ATP6V0E2: variants seen among roughly 807,000 people sequenced by gnomAD.
ATP6V0E2 encodes the protein ATPase H+ transporting V0 subunit e2.
Under a neutral mutation model 11.5 loss-of-function variants are expected in ATP6V0E2, and 4 were observed. That is an observed-to-expected ratio of 0.35 (90% CI 0.17 to 0.80). ATP6V0E2 has a LOEUF of 0.80. ATP6V0E2 is among the 30% of genes least tolerant of loss of function. The pLI is 0.53. For missense variants in ATP6V0E2, 93 were observed against 113.5 expected, an observed-to-expected ratio of 0.82 and a Z score of 0.82; for synonymous variants, 52 against 51.0, an observed-to-expected ratio of 1.02 and a Z score of -0.09.
upstream of ATP6V0E2, chr7:149,873,909 G>A (rs1208297604): frequency 2.0e-6 from 3 of 1,512,264 alleles, no homozygotes; most frequent in Admixed American, 4.2e-5. Flanking sequence ...GCGGCGGGCT[G>A]GATCAGGAGA....
intron 3 of ATP6V0E2, 101 bp from the exon 4 acceptor site, chr7:149,879,234 A>G: frequency 7.1e-7 from 1 of 1,408,286 alleles, no homozygotes; most frequent in Non-Finnish European, 9.2e-7. Context: ...GGGTAAGCTG[A>G]GGACTATCTG....
Position 149,875,602 on chromosome 7 carries a change from A to T in ATP6V0E2, c.109A>T (p.Ile37Phe). The change falls in exon 2 of 4, where the codon ATC (isoleucine) becomes TTC (phenylalanine). Residue 37 changes from isoleucine to phenylalanine, a missense_variant. Ile to Phe is a conservative substitution (Grantham distance 21). Transcript: ENST00000425642. ...FVPKGPNRGV[I>F]ITMLVATAVC... ...CCGTGTCCTCTTCTGCTGCAGAGTG[A>T]TCATCACCATGCTGGTCGCCACCGC... 2 of 1,613,604 alleles carry T rather than the reference A, an allele frequency of 1.2e-6. No individual in the cohort carries two copies. The highest frequency in any genetic ancestry group is 1.7e-6 in the Non-Finnish European group (2 of 1,179,826).
At chr7:149,877,092 C>G (rs1803194138) in intron 2 of ATP6V0E2, among the ~76,000 whole-genome samples, 1 of 52,782 alleles carries the variant, frequency 1.9e-5, no homozygotes, top group Admixed American at 1.7e-4. Context: ...GGTCTTGAGA[C>G]CAGGCCAGTA....
chr7:149,878,618 C>T lies in ATP6V0E2; in HGVS notation c.153-60C>T. 6.6e-6 allele frequency: 10 copies of T among 1,516,300 alleles called. No homozygotes were observed. In the Admixed American group the frequency reaches 1.6e-4, roughly 24 times the overall value. 93.9% of individuals were successfully genotyped at this position (1,516,300 alleles called of 1,614,324 possible). ...ATCCAAAATAATATGACCGAGGCCT[C>T]CCCTGGGTGTGGGAGGACCCTCCTG... On this transcript the variant is annotated intron_variant, in intron 2 of 3. Transcript: ENST00000425642.
chr7:149,877,295 T>A (rs1803206383), intron 2 of ATP6V0E2, among the ~76,000 whole-genome samples: 1 of 152,138 alleles, frequency 6.6e-6, no homozygotes, highest in Admixed American at 6.5e-5. Context: ...GCTCAAGCCA[T>A]CCTCCCACCT....
At chr7:149,873,715 C>G, upstream of ATP6V0E2, 1 of 683,384 alleles carries the variant, frequency 1.5e-6, no homozygotes. Flanking sequence ...ACCCCAAGCT[C>G]CAGGGGTCTT....
At chr7:149,873,790 C>CATCG, upstream of ATP6V0E2, 1 of 1,307,086 alleles carries the variant, frequency 7.7e-7, no homozygotes, top group East Asian at 2.6e-5. Flanking sequence ...CCCTATAACC[C>CATCG]ATCGCCGAAA....
rs1225975778 is a variant in ATP6V0E2 at position 149,879,734 on chromosome 7, C to T, written c.*419C>T. The T allele has an allele frequency of 5.6e-6, 7 of 1,251,256 alleles. No homozygotes were observed. The South Asian group carries it at 1.7e-4, about 31-fold the overall frequency. 77.5% of individuals were successfully genotyped at this position (1,251,256 alleles called of 1,614,324 possible). On this transcript the variant is annotated 3_prime_UTR_variant, in exon 4 of 4. Coordinates refer to ENST00000425642, the MANE Select transcript of ATP6V0E2 (RefSeq NM_145230.4). The stretch of plus-strand genomic sequence containing the variant: ...CCGGCCCAGGCGGGGGAGTCAGTGC[C>T]CAGTCAGCAGCTCTGCCACCATCCT...
chr7:149,879,540 C>T lies in ATP6V0E2; in HGVS notation c.*225C>T, dbSNP rs201704269. 1.8e-4 allele frequency: 286 copies of T among 1,560,672 alleles called. 1 individual carries two copies. The highest frequency in any genetic ancestry group is 6.8e-4 in the African/African-American group (50 of 73,438). On this transcript the variant is annotated 3_prime_UTR_variant, in exon 4 of 4. Transcript: ENST00000425642. ...GGGGAGCCCTGGGCACAGCAGCGGC[C>T]GAGGGGATGTCCTGCTCCAATACCC...
intron 2 of ATP6V0E2, chr7:149,876,098 C>T (rs117051141): frequency 0.031 from 14,415 of 457,620 alleles, 253 homozygotes; most frequent in East Asian, 0.055. Flanking sequence ...AGGTGAGAGG[C>T]CAGACGTGGC....
rs1803331814 is a variant in ATP6V0E2, at chr7:149,879,441, C to T, written c.*126C>T. On this transcript the variant is annotated 3_prime_UTR_variant, in exon 4 of 4. Transcript: ENST00000425642. ...GGTCACCAGCTCCCTCCTGCTGGCA[C>T]CCAGAGACCCGGACCCGCAGGGCCT... 1.2e-6 allele frequency: 2 copies of T among 1,602,736 alleles called. No individual in the cohort carries two copies. The highest frequency in any genetic ancestry group is 1.7e-6 in the Non-Finnish European group (2 of 1,175,270).
chr7:149,880,474 C>G lies in ATP6V0E2; in HGVS notation c.*1159C>G, dbSNP rs935322255. 1 of 152,432 alleles carries G rather than the reference C, an allele frequency of 6.6e-6. No individual in the cohort carries two copies. The highest frequency in any genetic ancestry group is 1.9e-4 in the East Asian group (1 of 5,204). 9.4% of individuals were successfully genotyped at this position (152,432 alleles called of 1,614,324 possible). On this transcript the variant is annotated 3_prime_UTR_variant, in exon 4 of 4. Transcript: ENST00000425642. ...TGATGTGGCCTGCCATCCTGTTCAGCGGGCATTGTCTTTGGAGCAGCAGGA... is the reference window on the plus strand; with the variant it reads ...TGATGTGGCCTGCCATCCTGTTCAGGGGGCATTGTCTTTGGAGCAGCAGGA...
upstream of ATP6V0E2, chr7:149,873,882 A>G (rs1409772478): frequency 6.7e-7 from 1 of 1,483,838 alleles, no homozygotes; most frequent in Non-Finnish European, 8.9e-7. Context: ...GCTCCTAGGC[A>G]GGTCCTGAGT....
At chr7:149,874,260 T>G in intron 1 of ATP6V0E2, 91 bp downstream of exon 1, 1 of 1,426,920 alleles carries the variant, frequency 7.0e-7, no homozygotes, top group Non-Finnish European at 9.2e-7. Context: ...CTTCCTGCTC[T>G]GCAGCGAGCG....
In ATP6V0E2 at chr7:149,879,638, T is replaced by C; in HGVS notation, c.*323T>C. 6.9e-7 allele frequency: 1 copy of C among 1,457,532 alleles called. No homozygotes were observed. Among genetic ancestry groups the C allele is most frequent in the African/African-American group, 1.4e-5 (1 of 69,278 alleles). 90.3% of individuals were successfully genotyped at this position (1,457,532 alleles called of 1,614,324 possible). Reference sequence around the variant, plus strand: ...AGCTGGTATGGGTGGGGTCTTTCCCTTTACAGACGGGGCAGATGCCAGGAC... The same window carrying C: ...AGCTGGTATGGGTGGGGTCTTTCCCCTTACAGACGGGGCAGATGCCAGGAC... On this transcript the variant is annotated 3_prime_UTR_variant, in exon 4 of 4. Transcript: ENST00000425642.
At chr7:149,877,230 C>T (rs1690928098) in intron 2 of ATP6V0E2, among the ~76,000 whole-genome samples, 1 of 152,116 alleles carries the variant, frequency 6.6e-6, no homozygotes, top group African/African-American at 2.4e-5. Flanking sequence ...TACTCTGTTG[C>T]CCAGGCTAGA....
In ATP6V0E2 at chr7:149,878,674, G is replaced by C. The variant is rs746119700; in HGVS notation, c.153-4G>C. 3.7e-6 allele frequency: 6 copies of C among 1,610,064 alleles called. No homozygotes were observed. The highest frequency in any genetic ancestry group is 1.7e-4 in the Middle Eastern group (1 of 6,026). ...GGCTCACCATGCTTTGCTGTCCCTG[G>C]CAGCTGGCTCATCGCCATCCTGGCG... On this transcript the variant is annotated splice_region_variant and splice_polypyrimidine_tract_variant and intron_variant, in intron 2 of 3. Coordinates refer to ENST00000425642, the MANE Select transcript of ATP6V0E2 (RefSeq NM_145230.4).
chr7:149,880,353 C>T lies in ATP6V0E2; in HGVS notation c.*1038C>T, dbSNP rs547231269. The T allele has an allele frequency of 6.5e-6, 1 of 152,710 alleles. No homozygotes were observed. The highest frequency in any genetic ancestry group is 6.5e-5 in the Admixed American group (1 of 15,316). 9.5% of individuals were successfully genotyped at this position (152,710 alleles called of 1,614,324 possible). On this transcript the variant is annotated 3_prime_UTR_variant, in exon 4 of 4. Transcript: ENST00000425642. ...TTACCCGAGCTCCCAGTGTGGTTAG[C>T]ACAGAGCTCACCCACCTTGCCTGGC...
intron 3 of ATP6V0E2, chr7:149,879,102 G>A: frequency 7.2e-7 from 1 of 1,394,894 alleles, no homozygotes; most frequent in South Asian, 1.8e-5. Context: ...TGCCTGGCCT[G>A]TGTTGGCCGC....
Sources: gnomAD v4.1 joint callset for allele counts (sites outside exome capture counted in the v4.1 genomes callset) on GRCh38, gnomAD v4.1.1 for gene constraint, MANE v1.5 for transcripts, NCBI Gene and HGNC (gene_info 2026-07-23, HGNC 2026-07-21) for gene names.